Variants in MKRN1 observed in about 807,000 individuals in gnomAD.
MKRN1 encodes the protein E3 ubiquitin-protein ligase makorin-1.
Under a neutral mutation model 55.5 loss-of-function variants are expected in MKRN1, and 9 were observed. The observed-to-expected ratio is 0.16, with a 90% CI of 0.10 to 0.28. The LOEUF (loss-of-function observed/expected upper bound fraction) is 0.28. Among genes scored for constraint, MKRN1 ranks in the 10% least tolerant of loss-of-function variants. MKRN1 has a pLI of 1.00. For missense variants in MKRN1, 488 were observed against 626.7 expected (o/e 0.78, Z 2.36); for synonymous variants, 253 against 235.9 (o/e 1.07, Z -0.66).
At chr7:140,472,046 C>A (rs756718847) in intron 1 of MKRN1, 35 bp from the exon 2 acceptor site, 6 of 1,612,778 alleles carry the variant, frequency 3.7e-6, no homozygotes, top group Non-Finnish European at 2.5e-6. Flanking sequence ...TGGATTAAAA[C>A]CAATCCTTGA....
chr7:140,462,434 T>C (rs1436852628), intron 2 of MKRN1, among the ~76,000 whole-genome samples: 1 of 152,238 alleles, frequency 6.6e-6, no homozygotes, highest in Admixed American at 6.5e-5. Flanking sequence ...TTACTAACTT[T>C]GGGTCATCTG....
chr7:140,457,069 T>C, intron 4 of MKRN1: 1 of 604,286 alleles, frequency 1.7e-6, no homozygotes. Flanking sequence ...CGGTGGTACT[T>C]AACAATACTA....
intron 2 of MKRN1, among the ~76,000 whole-genome samples, chr7:140,465,463 A>C (rs948268664): frequency 2.0e-5 from 3 of 151,236 alleles, no homozygotes; most frequent in Admixed American, 6.6e-5. Context: ...ACAGAGCACG[A>C]CTCCATCTAA....
chr7:140,466,979 CTTT>C (rs371673846), intron 2 of MKRN1, among the ~76,000 whole-genome samples: 37,869 of 142,342 alleles, frequency 0.27, 8,427 homozygotes, highest in African/African-American at 0.62. Flanking sequence ...TCAACTTTTT[CTTT>C]TTTTTTTTTT....
rs1372837990 is a variant in MKRN1 at position 140,459,228 on chromosome 7, G to A, written c.550C>T (p.Pro184Ser). 1 of 1,613,790 alleles carries A rather than the reference G, an allele frequency of 6.2e-7. No homozygotes were observed. Among genetic ancestry groups the A allele is most frequent in the Non-Finnish European group, 8.5e-7 (1 of 1,179,864 alleles). ...PGQPYCGRTA[P>S]SCTEAPLQGS... ...TGCAGGGGTGCTTCAGTGCAGGAAG[G>A]CGCAGCTGAAAATGTGTAAGAGGGT... Residue 184 changes from proline (P) to serine (S), a missense_variant, in exon 4 of 8, where the codon CCT (proline) becomes TCT (serine). Physicochemically the swap from Pro to Ser is moderately conservative, Grantham distance 74. Coordinates refer to ENST00000255977, the MANE Select transcript of MKRN1 (RefSeq NM_013446.4).
At chr7:140,468,067 TC>T (rs1371300647) in intron 2 of MKRN1, among the ~76,000 whole-genome samples, 1 of 150,128 alleles carries the variant, frequency 6.7e-6, no homozygotes, top group East Asian at 2.0e-4. Flanking sequence ...TTCATTTTTT[TC>T]ATTCACTCCA....
chr7:140,478,527 G>C (rs4431522), intron 1 of MKRN1: 40,778 of 152,184 alleles, frequency 0.27, 9,451 homozygotes, highest in African/African-American at 0.64. Context: ...CCGAACGCCT[G>C]CTTCTAAGAC....
intron 1 of MKRN1, 167 bp downstream of exon 1, chr7:140,478,993 G>A (rs1204716622): frequency 2.5e-5 from 21 of 829,712 alleles, no homozygotes; most frequent in Non-Finnish European, 3.2e-5. Context: ...GTGACTGGGG[G>A]AACGCGGCGG....
At chr7:140,473,992 CAAAA>C (rs750043239) in intron 1 of MKRN1, among the ~76,000 whole-genome samples, 370 of 15,166 alleles carry the variant, frequency 0.024, 7 homozygotes, top group Admixed American at 0.051. Flanking sequence ...AACTCCGTCT[CAAAA>C]AAAAAAAAAA....
At chr7:140,462,781 G>A (rs1452501777) in intron 2 of MKRN1, among the ~76,000 whole-genome samples, 3 of 152,026 alleles carry the variant, frequency 2.0e-5, no homozygotes, top group Admixed American at 1.3e-4. Flanking sequence ...TGGCTAACAC[G>A]GTGAAACCCC....
chr7:140,455,967 C>A, intron 5 of MKRN1, 67 bp from the exon 6 acceptor site: 1 of 1,384,698 alleles, frequency 7.2e-7, no homozygotes, highest in Admixed American at 1.7e-5. Flanking sequence ...AAGGACACAC[C>A]CTGGTGTGTC....
At chr7:140,462,897 C>T (rs570668535) in intron 2 of MKRN1, among the ~76,000 whole-genome samples, 2 of 152,278 alleles carry the variant, frequency 1.3e-5, no homozygotes, top group South Asian at 2.1e-4. Context: ...ACCCAGGAAG[C>T]GGATGTTGCG....
At chr7:140,466,961 G>A (rs1473124247) in intron 2 of MKRN1, among the ~76,000 whole-genome samples, 1 of 149,968 alleles carries the variant, frequency 6.7e-6, no homozygotes, top group Non-Finnish European at 1.5e-5. Flanking sequence ...AACCAATTAA[G>A]GTTCCTTTCA....
chr7:140,458,837 A>G (rs1199006712), intron 4 of MKRN1, among the ~76,000 whole-genome samples, 170 bp downstream of exon 4: 2 of 152,174 alleles, frequency 1.3e-5, no homozygotes, highest in Non-Finnish European at 2.9e-5. Flanking sequence ...GTTCACTGGA[A>G]ATATGACTTC....
At chr7:140,465,991 G>GAAT (rs1794754239) in intron 2 of MKRN1, among the ~76,000 whole-genome samples, 1 of 152,058 alleles carries the variant, frequency 6.6e-6, no homozygotes, top group Non-Finnish European at 1.5e-5. Flanking sequence ...TGAGGCACCG[G>GAAT]AATCGCTTGA....
At position 140,454,595 on chromosome 7, in the gene MKRN1, G is replaced by A. The variant is rs374563168; in HGVS notation, c.1371C>T (p.Asp457=). The change falls in exon 8 of 8, where the codon GAC becomes GAT. Residue 457 remains aspartate (D), a synonymous_variant. Coordinates refer to ENST00000255977, the MANE Select transcript of MKRN1 (RefSeq NM_013446.4). ...CATCTTCAGAGTCTGTTAGTTCGTC[G>A]TCCCCACCTGCAGCCAAAAGCATAA... The part of the protein sequence containing the change: ...MLLMLLAAGG[D]DELTDSEDEW... The A allele has an allele frequency of 8.1e-5, 131 of 1,613,700 alleles. No individual in the cohort carries two copies. Among genetic ancestry groups the A allele is most frequent in the South Asian group, 1.6e-4 (15 of 91,078 alleles).
In MKRN1 at chr7:140,457,453, GAAACA is replaced by G. The variant is rs1229213288; in HGVS notation, c.772-592_772-588del. On this transcript the variant is annotated intron_variant, in intron 4 of 7. Coordinates refer to ENST00000255977, the MANE Select transcript of MKRN1 (RefSeq NM_013446.4). Reference sequence around the variant, plus strand: ...TAACTTATAAAAAACATGATTATAGGAAACATAAAAATGCAGAAAACTCCCAGCAC... The same window carrying G: ...TAACTTATAAAAAACATGATTATAGGTAAAAATGCAGAAAACTCCCAGCAC... Among the ~76,000 whole-genome samples the G allele has an allele frequency of 3.4e-3, 515 of 152,214 alleles. 1 individual carries two copies. Among genetic ancestry groups the G allele is most frequent in the African/African-American group, 0.012 (481 of 41,528 alleles).
intron 4 of MKRN1, among the ~76,000 whole-genome samples, chr7:140,457,243 A>G (rs1003134173): frequency 6.6e-6 from 1 of 152,186 alleles, no homozygotes; most frequent in Non-Finnish European, 1.5e-5. Flanking sequence ...TCGGAAAATA[A>G]GGGTGACAGG....
chr7:140,455,005 G>A (rs1585460223), intron 7 of MKRN1, 90 bp downstream of exon 7: 32 of 1,533,094 alleles, frequency 2.1e-5, no homozygotes, highest in Middle Eastern at 2.4e-4. Context: ...AGACCTGAGC[G>A]TTAACCTTCT....
Sources: gnomAD v4.1 joint callset for allele counts (sites outside exome capture counted in the v4.1 genomes callset) on GRCh38, gnomAD v4.1.1 for gene constraint, MANE v1.5 for transcripts, NCBI Gene and HGNC (gene_info 2026-07-23, HGNC 2026-07-21) for gene names.